Variants in TYR observed in about 807,000 individuals in gnomAD.
The protein encoded by TYR is tyrosinase.
A neutral mutation model predicts 51.5 loss-of-function variants in TYR; 58 were observed. The ratio of observed to expected loss-of-function variants is 1.13; its 90% CI spans 0.91 to 1.40. The LOEUF (loss-of-function observed/expected upper bound fraction) is 1.40. Ranked by LOEUF, TYR falls within the 40% of genes most tolerant of loss-of-function variation. The pLI, the probability that TYR is intolerant of heterozygous loss-of-function variation, is 0.00. For synonymous variants in TYR, 263 were observed against 235.2 expected (o/e 1.12, Z -1.08); for missense variants, 732 against 647.4 (o/e 1.13, Z -1.42).
chr11:89,177,966 G>A lies in TYR; in HGVS notation c.13G>A (p.Val5Ile). MLLAVLYCLLWSFQT... is the reference protein window; with the variant it reads MLLAILYCLLWSFQT... ...GACTAGAGGAAGAATGCTCCTGGCT[G>A]TTTTGTACTGCCTGCTGTGGAGTTT... Residue 5 changes from valine to isoleucine, a missense_variant, in exon 1 of 5, where the codon GTT becomes ATT. By Grantham distance (29) the Val-to-Ile change is conservative. Coordinates refer to ENST00000263321, the MANE Select transcript of TYR (RefSeq NM_000372.5). 1.9e-6 allele frequency: 3 copies of A among 1,614,130 alleles called. No homozygotes were observed. Among genetic ancestry groups the A allele is most frequent in the Non-Finnish European group, 2.5e-6 (3 of 1,180,022 alleles).
intron 3 of TYR, among the ~76,000 whole-genome samples, chr11:89,277,966 A>G (rs1944675767): frequency 6.6e-6 from 1 of 151,614 alleles, no homozygotes. Flanking sequence ...GTTAGGAAAA[A>G]AACACAAATC....
At chr11:89,224,926 A>G (rs969419710) in intron 2 of TYR, among the ~76,000 whole-genome samples, 1 of 115,654 alleles carries the variant, frequency 8.6e-6, no homozygotes, top group African/African-American at 4.9e-5. Flanking sequence ...AATTGTAAAA[A>G]CTATTTTTTT....
At chr11:89,196,524 T>G (rs1475415943) in intron 2 of TYR, among the ~76,000 whole-genome samples, 2 of 152,146 alleles carry the variant, frequency 1.3e-5, no homozygotes, top group Non-Finnish European at 2.9e-5. Flanking sequence ...AAGTATTGGC[T>G]GACAGACTGA....
chr11:89,179,268 C>T (rs958565119), intron 1 of TYR, among the ~76,000 whole-genome samples: 4 of 152,002 alleles, frequency 2.6e-5, no homozygotes, highest in Non-Finnish European at 5.9e-5. Context: ...GAGAGAGTCC[C>T]GAGAAGGCAC....
In TYR at chr11:89,178,331, G is replaced by C; in HGVS notation, c.378G>C (p.Leu126Phe). The C allele has an allele frequency of 1.2e-6, 2 of 1,614,188 alleles. No individual in the cohort carries two copies. Among genetic ancestry groups the C allele is most frequent in the South Asian group, 2.2e-5 (2 of 91,082 alleles). The change falls in exon 1 of 5, where the codon TTG becomes TTC. Residue 126 changes from leucine (L) to phenylalanine (F), a missense_variant. Coordinates refer to ENST00000263321, the MANE Select transcript of TYR (RefSeq NM_000372.5). ...RLLVRRNIFD[L>F]SAPEKDKFFA... ...TGGTGAGAAGAAACATCTTCGATTTGAGTGCCCCAGAGAAGGACAAATTTT... is the reference window on the plus strand; with the variant it reads ...TGGTGAGAAGAAACATCTTCGATTTCAGTGCCCCAGAGAAGGACAAATTTT...
At chr11:89,282,526 A>T (rs1275809117) in intron 3 of TYR, among the ~76,000 whole-genome samples, 1 of 151,786 alleles carries the variant, frequency 6.6e-6, no homozygotes, top group Non-Finnish European at 1.5e-5. Context: ...ATTACAGGTG[A>T]TTTTTTCTTT....
intron 2 of TYR, among the ~76,000 whole-genome samples, chr11:89,193,135 T>C (rs1234322206): frequency 1.3e-5 from 2 of 152,314 alleles, no homozygotes; most frequent in African/African-American, 2.4e-5. Flanking sequence ...CCCACTGGAC[T>C]CTTCAGGGAT....
intron 2 of TYR, among the ~76,000 whole-genome samples, chr11:89,216,647 C>CAAAAAAAAAAAAAAAAAAA (rs11411684): frequency 3.6e-4 from 29 of 80,782 alleles, no homozygotes; most frequent in South Asian, 1.4e-3. Flanking sequence ...TTTTCCATCT[C>CAAAAAAAAAAAAAAAAAAA]AAAAAAAAAA....
At chr11:89,179,427 T>C (rs1217089401) in intron 1 of TYR, among the ~76,000 whole-genome samples, 1 of 152,228 alleles carries the variant, frequency 6.6e-6, no homozygotes, top group Non-Finnish European at 1.5e-5. Context: ...ACATCTAGCA[T>C]GTGCAAACCC....
intron 3 of TYR, among the ~76,000 whole-genome samples, chr11:89,232,288 G>A (rs1004653827): frequency 1.4e-5 from 2 of 143,018 alleles, no homozygotes; most frequent in East Asian, 4.0e-4. Context: ...TAAAAGTTAC[G>A]TTTATGGAAT....
At chr11:89,272,107 C>G (rs1363651031) in intron 3 of TYR, among the ~76,000 whole-genome samples, 1 of 151,866 alleles carries the variant, frequency 6.6e-6, no homozygotes, top group African/African-American at 2.4e-5. Context: ...TTGGCCACCT[C>G]CCATGAAAAT....
chr11:89,285,505 A>G (rs1944774373), intron 4 of TYR, among the ~76,000 whole-genome samples: 1 of 151,770 alleles, frequency 6.6e-6, no homozygotes, highest in Non-Finnish European at 1.5e-5. Context: ...TTATTGCTCT[A>G]TGATGACGAT....
intron 3 of TYR, among the ~76,000 whole-genome samples, chr11:89,237,631 C>T (rs2135288772): frequency 6.6e-6 from 1 of 152,096 alleles, no homozygotes; most frequent in Non-Finnish European, 1.5e-5. Context: ...CTGTGATTCT[C>T]CTGCTTTGTT....
chr11:89,181,821 T>A (rs1943304122), intron 1 of TYR, among the ~76,000 whole-genome samples: 1 of 152,170 alleles, frequency 6.6e-6, no homozygotes, highest in South Asian at 2.1e-4. Context: ...GCTTTTTAAG[T>A]CAACAATGTT....
chr11:89,207,893 A>C (rs1943693145), intron 2 of TYR, among the ~76,000 whole-genome samples: 1 of 152,184 alleles, frequency 6.6e-6, no homozygotes. Flanking sequence ...GTTACCATTG[A>C]GGGAAATTGA....
intron 2 of TYR, among the ~76,000 whole-genome samples, chr11:89,194,463 C>T (rs368030847): frequency 6.6e-6 from 1 of 152,060 alleles, no homozygotes; most frequent in Non-Finnish European, 1.5e-5. Context: ...TATTTCTTCC[C>T]CTTGTTTAAT....
chr11:89,194,187 G>A (rs1443797538), intron 2 of TYR, among the ~76,000 whole-genome samples: 1 of 152,100 alleles, frequency 6.6e-6, no homozygotes, highest in East Asian at 1.9e-4. Flanking sequence ...TTGTACATAT[G>A]TGTCTTTATG....
intron 2 of TYR, among the ~76,000 whole-genome samples, chr11:89,195,225 A>G (rs1361672870): frequency 1.3e-5 from 2 of 152,164 alleles, no homozygotes; most frequent in African/African-American, 4.8e-5. Flanking sequence ...TCTCGTGAGA[A>G]GTGTATAATG....
rs148499754 is a variant in TYR at position 89,248,590 on chromosome 11, G to C, written c.1184+20620G>C. Among the ~76,000 whole-genome samples, 735 of 152,258 alleles carry C rather than the reference G, an allele frequency of 4.8e-3. 3 individuals carry two copies. The highest frequency in any genetic ancestry group is 0.017 in the African/African-American group (692 of 41,566). On this transcript the variant is annotated intron_variant, in intron 3 of 4. Transcript: ENST00000263321. ...AAATACGGTAAACAAGAGGAACTTG[G>C]TGCAATATGAGATTGAAGAGATCAG...
Sources: gnomAD v4.1 joint callset for allele counts (sites outside exome capture counted in the v4.1 genomes callset) on GRCh38, gnomAD v4.1.1 for gene constraint, MANE v1.5 for transcripts, NCBI Gene and HGNC (gene_info 2026-07-23, HGNC 2026-07-21) for gene names.